Variants in KIR2DL3 observed in about 807,000 individuals in gnomAD.
KIR2DL3 encodes the protein killer cell immunoglobulin like receptor, two Ig domains and long cytoplasmic tail 3, also known as killer cell immunoglobulin-like receptor 2DL3.
KIR2DL3 carries 39 observed loss-of-function variants against 33.8 expected under a neutral mutation model. The observed-to-expected ratio is 1.15, with a 90% CI of 0.89 to 1.51. The LOEUF is 1.51. Among genes scored for constraint, KIR2DL3 ranks in the 40% most tolerant of loss-of-function variants. The probability of loss-of-function intolerance (pLI) is 0.00; values close to 1 mark genes in which losing one functional copy is unlikely to be tolerated. For synonymous variants in KIR2DL3, 174 were observed against 160.2 expected (o/e 1.09, Z -0.65); for missense variants, 462 against 426.2 (o/e 1.08, Z -0.74).
intron 5 of KIR2DL3, among the ~76,000 whole-genome samples, chr19:54,749,319 G>C (rs1229350004): frequency 6.8e-6 from 1 of 147,744 alleles, no homozygotes; most frequent in East Asian, 1.9e-4. Flanking sequence ...GGGAGGCTCA[G>C]TTGCATAACT....
intron 4 of KIR2DL3, among the ~76,000 whole-genome samples, chr19:54,744,944 ATATATATATATTTTTTTTTTTTT>A (rs2072155553): frequency 3.7e-5 from 1 of 26,820 alleles, no homozygotes; most frequent in African/African-American, 1.2e-4. Flanking sequence ...ATATATATAT[ATATATATATATTTTTTTTTTTTT>A]TTTTTTTTTT....
intron 4 of KIR2DL3, among the ~76,000 whole-genome samples, chr19:54,745,354 T>C (rs756794140): frequency 9.2e-5 from 14 of 151,818 alleles, no homozygotes; most frequent in South Asian, 8.4e-4. Context: ...TCTTTTTAGT[T>C]ATTCGTTTGT....
intron 4 of KIR2DL3, among the ~76,000 whole-genome samples, chr19:54,744,964 T>A (rs1314727026): frequency 1.6e-3 from 105 of 67,194 alleles, no homozygotes; most frequent in South Asian, 3.5e-3. Context: ...ATTTTTTTTT[T>A]TTTTTTTTTT....
At chr19:54,741,087 G>C (rs535026718) in intron 2 of KIR2DL3, among the ~76,000 whole-genome samples, 1 of 151,880 alleles carries the variant, frequency 6.6e-6, no homozygotes, top group South Asian at 2.1e-4. Context: ...GAAGGTGTCA[G>C]TGTGGTCTCT....
intron 4 of KIR2DL3, 117 bp downstream of exon 4, chr19:54,744,205 G>C (rs1452654210): frequency 3.5e-5 from 52 of 1,487,772 alleles, no homozygotes; most frequent in Non-Finnish European, 4.5e-5. Context: ...AAGCTTGGGT[G>C]TGAGGGAGGG....
At position 54,752,196 on chromosome 19, in the gene KIR2DL3, T is replaced by C. The variant is rs375541644; in HGVS notation, c.821-20T>C. The C allele has an allele frequency of 1.3e-4, 189 of 1,447,122 alleles. 47 individuals are homozygous for C. The highest frequency in any genetic ancestry group is 1.7e-4 in the Non-Finnish European group (184 of 1,069,012). The allele number at this position is 1,447,122 out of a possible 1,614,324, so 89.6% of individuals were successfully genotyped here. On this transcript the variant is annotated intron_variant, in intron 6 of 7. Transcript: ENST00000342376. ...CAGAAGTGCCCTCTGAGCTGTTTTGTTGACTTCCGTCTTCTACAGATGCTG... is the reference window on the plus strand; with the variant it reads ...CAGAAGTGCCCTCTGAGCTGTTTTGCTGACTTCCGTCTTCTACAGATGCTG...
intron 5 of KIR2DL3, among the ~76,000 whole-genome samples, chr19:54,749,025 G>A (rs1374099713): frequency 2.0e-5 from 3 of 152,148 alleles, no homozygotes; most frequent in South Asian, 2.1e-4. Context: ...GAAAAACACG[G>A]ATTGAACCCC....
At chr19:54,741,226 C>A (rs1378987986) in intron 2 of KIR2DL3, among the ~76,000 whole-genome samples, 1 of 151,316 alleles carries the variant, frequency 6.6e-6, no homozygotes, top group Admixed American at 6.6e-5. Flanking sequence ...GTAATCCTAG[C>A]GACTCAGGAG....
At chr19:54,744,831 A>T (rs1277460921) in intron 4 of KIR2DL3, among the ~76,000 whole-genome samples, 1 of 144,788 alleles carries the variant, frequency 6.9e-6, no homozygotes, top group East Asian at 2.1e-4. Flanking sequence ...AGCCACATTT[A>T]CCATTTTTAA....
intron 3 of KIR2DL3, 110 bp downstream of exon 3, chr19:54,742,389 G>C: frequency 6.8e-7 from 1 of 1,473,480 alleles, no homozygotes. Context: ...CTTATGGAGA[G>C]AGACTGACTT....
intron 2 of KIR2DL3, among the ~76,000 whole-genome samples, chr19:54,741,086 A>C (rs2070998443): frequency 6.6e-6 from 1 of 151,792 alleles, no homozygotes; most frequent in Non-Finnish European, 1.5e-5. Context: ...GGAAGGTGTC[A>C]GTGTGGTCTC....
chr19:54,748,419 C>G (rs1555913653), intron 5 of KIR2DL3, among the ~76,000 whole-genome samples: 14,381 of 107,706 alleles, frequency 0.13, 778 homozygotes, highest in African/African-American at 0.16. Flanking sequence ...TATTCACAAG[C>G]TATGGAGGCT....
At chr19:54,743,255 G>T (rs1245156919) in intron 3 of KIR2DL3, among the ~76,000 whole-genome samples, 43 of 151,960 alleles carry the variant, frequency 2.8e-4, no homozygotes, top group Non-Finnish European at 1.3e-4. Flanking sequence ...ACATAGAGAT[G>T]ATGATGATGA....
intron 2 of KIR2DL3, among the ~76,000 whole-genome samples, chr19:54,741,094 C>G (rs190238700): frequency 1.3e-5 from 2 of 151,676 alleles, no homozygotes; most frequent in African/African-American, 2.4e-5. Context: ...TCAGTGTGGT[C>G]TCTCCTGCTG....
At position 54,743,781 on chromosome 19, in the gene KIR2DL3, C is replaced by A. The variant is rs943320878; in HGVS notation, c.371-14C>A. 6.4e-7 allele frequency: 1 copy of A among 1,558,328 alleles called. No individual in the cohort carries two copies. Among genetic ancestry groups the A allele is most frequent in the Middle Eastern group, 1.9e-4 (1 of 5,384 alleles). On this transcript the variant is annotated splice_polypyrimidine_tract_variant and intron_variant, in intron 3 of 7. Coordinates refer to ENST00000342376, the MANE Select transcript of KIR2DL3 (RefSeq NM_015868.3). ...GGAAGATCCTCCGTAAGGAAAATGC[C>A]TCTTCTCCTCCAGGTCTATATGAGA...
Position 54,744,954 on chromosome 19 carries a change from A to ATTTTTTT in KIR2DL3, c.664+883_664+889dup, listed in dbSNP as rs71195797. Among the ~76,000 whole-genome samples the ATTTTTTT allele has an allele frequency of 1.1e-3, 34 of 31,266 alleles. 1 individual carries two copies. The highest frequency in any genetic ancestry group is 2.1e-3 in the East Asian group (2 of 942). 20.5% of individuals were successfully genotyped at this position (31,266 alleles called of 152,430 possible). A position where few individuals can be genotyped will look rare whatever the true frequency, so the allele number is the denominator to read the frequency against. ...TATATATATATATATATATATATAT[A>ATTTTTTT]TTTTTTTTTTTTTTTTTTTTTTTAC... On this transcript the variant is annotated intron_variant, in intron 4 of 7. Coordinates refer to ENST00000342376, the MANE Select transcript of KIR2DL3 (RefSeq NM_015868.3).
intron 3 of KIR2DL3, among the ~76,000 whole-genome samples, chr19:54,742,756 T>A (rs686822): frequency 1.4e-5 from 2 of 144,740 alleles, no homozygotes; most frequent in African/African-American, 5.2e-5. Flanking sequence ...TGGAGAGTAA[T>A]CGTCCCAGGA....
intron 4 of KIR2DL3, among the ~76,000 whole-genome samples, chr19:54,744,738 G>T (rs1431157768): frequency 6.6e-6 from 1 of 150,384 alleles, no homozygotes; most frequent in Non-Finnish European, 1.5e-5. Context: ...TGTTGGTCGA[G>T]CTGGTCTCCA....
At chr19:54,743,247 A>T (rs1369885637) in intron 3 of KIR2DL3, among the ~76,000 whole-genome samples, 66 of 151,968 alleles carry the variant, frequency 4.3e-4, no homozygotes, top group Non-Finnish European at 7.8e-4. Context: ...TAGATAATAC[A>T]TAGAGATGAT....
Sources: allele counts gnomAD v4.1 joint callset (sites outside exome capture counted in the v4.1 genomes callset), GRCh38; gene constraint gnomAD v4.1.1; transcripts MANE v1.5; gene names NCBI Gene and HGNC (gene_info 2026-07-23, HGNC 2026-07-21).